LRP1B: variants seen among roughly 807,000 people sequenced by gnomAD.
LRP1B encodes the protein low-density lipoprotein receptor-related protein 1B.
Under a neutral mutation model 556.6 loss-of-function variants are expected in LRP1B, and 217 were observed. The ratio of observed to expected loss-of-function variants is 0.39; its 90% confidence interval spans 0.35 to 0.44. The LOEUF is 0.44. Among genes scored for constraint, LRP1B ranks in the 20% least tolerant of loss-of-function variants. LRP1B has a pLI of 1.00. For missense variants in LRP1B, 5,053 were observed against 5,620.8 expected (o/e 0.90, Z 3.23); for synonymous variants, 2,047 against 1,865.8 (o/e 1.10, Z -2.50).
intron 3 of LRP1B, among the ~76,000 whole-genome samples, chr2:141,310,715 T>C (rs1440013887): frequency 6.6e-6 from 1 of 152,152 alleles, no homozygotes; most frequent in Non-Finnish European, 1.5e-5. Flanking sequence ...CAATACACTT[T>C]GTTAAAGTGG....
At chr2:140,381,066 T>C (rs1212369634) in intron 67 of LRP1B, among the ~76,000 whole-genome samples, 1 of 152,084 alleles carries the variant, frequency 6.6e-6, no homozygotes, top group African/African-American at 2.4e-5. Context: ...CATCAAGGAA[T>C]AGGGTACCAA....
chr2:141,740,897 C>T (rs1008084375), intron 2 of LRP1B, among the ~76,000 whole-genome samples: 7 of 152,234 alleles, frequency 4.6e-5, no homozygotes, highest in African/African-American at 1.7e-4. Context: ...TAACCATCCT[C>T]ATCCCCCTAC....
intron 3 of LRP1B, among the ~76,000 whole-genome samples, chr2:141,468,577 G>T (rs779693214): frequency 6.6e-6 from 1 of 151,974 alleles, no homozygotes; most frequent in Non-Finnish European, 1.5e-5. Flanking sequence ...ATACCATTTA[G>T]AATAAAGAGA....
At chr2:140,734,426 G>T (rs1228942817) in intron 35 of LRP1B, among the ~76,000 whole-genome samples, 4 of 152,168 alleles carry the variant, frequency 2.6e-5, no homozygotes, top group African/African-American at 4.8e-5. Flanking sequence ...TTGGAGGGAT[G>T]AATTGATTTG....
chr2:140,960,517 T>C (rs2105314330), intron 18 of LRP1B, among the ~76,000 whole-genome samples: 1 of 151,732 alleles, frequency 6.6e-6, no homozygotes, highest in Non-Finnish European at 1.5e-5. Context: ...TAAAAACGTT[T>C]CCTGACACAG....
At chr2:140,745,393 C>T (rs1419052037) in intron 35 of LRP1B, among the ~76,000 whole-genome samples, 1 of 152,084 alleles carries the variant, frequency 6.6e-6, no homozygotes, top group African/African-American at 2.4e-5. Context: ...TTATATTTTA[C>T]AGGAGGAAAA....
chr2:141,441,541 G>A (rs903916192), intron 3 of LRP1B, among the ~76,000 whole-genome samples: 1 of 152,196 alleles, frequency 6.6e-6, no homozygotes, highest in African/African-American at 2.4e-5. Context: ...TATACTTTAA[G>A]AGAATAAGAC....
At chr2:141,893,231 A>T (rs1250243610) in intron 1 of LRP1B, among the ~76,000 whole-genome samples, 1 of 151,910 alleles carries the variant, frequency 6.6e-6, no homozygotes, top group African/African-American at 2.4e-5. Context: ...AAAGAGTTTC[A>T]CTCTTGTGGC....
At chr2:141,733,677 G>A (rs992230886) in intron 2 of LRP1B, among the ~76,000 whole-genome samples, 15 of 152,050 alleles carry the variant, frequency 9.9e-5, no homozygotes, top group Non-Finnish European at 1.9e-4. Flanking sequence ...CATCATCATA[G>A]TTGTCTTACA....
rs1318498821 is a variant in LRP1B, at chr2:141,904,267, G to A, written c.83-93866C>T. 2.6e-5 allele frequency among the ~76,000 whole-genome samples: 4 copies of A among 151,848 alleles called. No homozygotes were observed. The East Asian group carries it at 7.7e-4, about 29-fold the overall frequency. ...AGTCCAGGCTGGGTACAATGATGGT[G>A]TAGCTTTCAATTTTAGCTTTGGAAA... On this transcript the variant is annotated intron_variant, in intron 1 of 90. Transcript: ENST00000389484.
intron 1 of LRP1B, among the ~76,000 whole-genome samples, chr2:142,045,065 GC>G (rs1381056531): frequency 1.2e-4 from 18 of 150,886 alleles, no homozygotes; most frequent in African/African-American, 4.4e-4. Flanking sequence ...ATAAGACTAT[GC>G]ATTTTAATTT....
At chr2:140,458,229 T>G (rs1558896249) in intron 60 of LRP1B, among the ~76,000 whole-genome samples, 1 of 152,076 alleles carries the variant, frequency 6.6e-6, no homozygotes, top group African/African-American at 2.4e-5. Flanking sequence ...TGAGATGGGA[T>G]GGGGTAGAGG....
chr2:141,838,844 TA>T (rs1197862310), intron 1 of LRP1B, among the ~76,000 whole-genome samples: 5 of 152,102 alleles, frequency 3.3e-5, no homozygotes, highest in Admixed American at 6.5e-5. Flanking sequence ...GAATTCAGAT[TA>T]GTATTTGCTT....
intron 3 of LRP1B, among the ~76,000 whole-genome samples, chr2:141,313,307 T>G (rs1686881264): frequency 6.6e-6 from 1 of 152,138 alleles, no homozygotes. Flanking sequence ...ATTTAAGAGT[T>G]CTGCCACATG....
chr2:141,244,975 C>T (rs988647388), intron 5 of LRP1B, among the ~76,000 whole-genome samples: 2 of 152,084 alleles, frequency 1.3e-5, no homozygotes, highest in African/African-American at 2.4e-5. Context: ...TGTAGTAGGA[C>T]ATTATCATGT....
chr2:140,664,546 G>A (rs956062433), intron 41 of LRP1B, among the ~76,000 whole-genome samples: 2 of 152,030 alleles, frequency 1.3e-5, no homozygotes, highest in Non-Finnish European at 2.9e-5. Context: ...CTTTTATAAA[G>A]TTTAATATCA....
intron 1 of LRP1B, among the ~76,000 whole-genome samples, chr2:142,017,831 A>C (rs577063512): frequency 6.6e-6 from 1 of 152,288 alleles, no homozygotes; most frequent in African/African-American, 2.4e-5. Context: ...ACAGTGAGCC[A>C]TGTTCTCCTA....
intron 3 of LRP1B, among the ~76,000 whole-genome samples, chr2:141,417,956 G>C (rs1302583971): frequency 6.6e-6 from 1 of 151,938 alleles, no homozygotes; most frequent in African/African-American, 2.4e-5. Flanking sequence ...TTGTGGTTTT[G>C]ATTTGTATTT....
chr2:141,207,886 G>A (rs76048801), intron 6 of LRP1B, among the ~76,000 whole-genome samples: 11,755 of 152,224 alleles, frequency 0.077, 493 homozygotes, highest in East Asian at 0.15. Flanking sequence ...ATTTTGACCA[G>A]GCTGATCTTG....
Sources: allele counts gnomAD v4.1 joint callset (sites outside exome capture counted in the v4.1 genomes callset), GRCh38; gene constraint gnomAD v4.1.1; transcripts MANE v1.5; gene names NCBI Gene and HGNC (gene_info 2026-07-23, HGNC 2026-07-21).